Variants in JAZF1 observed in about 807,000 individuals in gnomAD.
The protein encoded by JAZF1 is JAZF zinc finger 1, also known as juxtaposed with another zinc finger protein 1.
Under a neutral mutation model 26.4 loss-of-function variants are expected in JAZF1, and 8 were observed. The observed-to-expected ratio is 0.30, with a 90% CI of 0.18 to 0.55. The LOEUF (loss-of-function observed/expected upper bound fraction) is 0.55, where lower values mean the gene tolerates loss of function less well. Ranked by LOEUF, JAZF1 falls within the 20% of genes least tolerant of loss-of-function variation. The probability of loss-of-function intolerance (pLI) is 0.94; values close to 1 mark genes in which losing one functional copy is unlikely to be tolerated. For missense variants in JAZF1, 199 were observed against 322.0 expected (o/e 0.62, Z 2.92); for synonymous variants, 126 against 122.3 (o/e 1.03, Z -0.20).
In JAZF1 at chr7:28,110,113, C is replaced by T. The variant is rs376026155; in HGVS notation, c.115+70350G>A. 9.9e-5 allele frequency among the ~76,000 whole-genome samples: 15 copies of T among 152,046 alleles called. No individual in the cohort carries two copies. In the East Asian group the frequency reaches 1.2e-3, roughly 12 times the overall value. On this transcript the variant is annotated intron_variant, in intron 1 of 4. Transcript: ENST00000283928. ...AAAGACTGGTCAAGAGGAAAAGAAT[C>T]AACTGAAAAGAATTATAATTAGAAA...
chr7:27,935,298 A>G (rs1410057590), intron 2 of JAZF1, among the ~76,000 whole-genome samples: 1 of 152,242 alleles, frequency 6.6e-6, no homozygotes, highest in Non-Finnish European at 1.5e-5. Flanking sequence ...GGATCCTCAA[A>G]ATGCAACTGT....
At chr7:28,141,108 A>G (rs1782953658) in intron 1 of JAZF1, among the ~76,000 whole-genome samples, 1 of 152,210 alleles carries the variant, frequency 6.6e-6, no homozygotes, top group African/African-American at 2.4e-5. Flanking sequence ...AATTTCACAG[A>G]CTCAAAAGAT....
intron 1 of JAZF1, among the ~76,000 whole-genome samples, chr7:28,156,741 G>A (rs1783191407): frequency 6.6e-6 from 1 of 152,164 alleles, no homozygotes; most frequent in Non-Finnish European, 1.5e-5. Flanking sequence ...AAATACTGCT[G>A]CTGCTTGTCC....
chr7:27,912,167 G>A (rs1223298938), intron 2 of JAZF1, among the ~76,000 whole-genome samples: 1 of 152,062 alleles, frequency 6.6e-6, no homozygotes, highest in African/African-American at 2.4e-5. Context: ...CTAAATAATG[G>A]GATCCCAACA....
chr7:27,981,200 T>A (rs944567329), intron 2 of JAZF1, among the ~76,000 whole-genome samples: 2 of 152,220 alleles, frequency 1.3e-5, no homozygotes, highest in African/African-American at 4.8e-5. Context: ...GGTTTGTAAT[T>A]ATAATGAGGT....
chr7:28,128,289 C>T (rs1782731714), intron 1 of JAZF1, among the ~76,000 whole-genome samples: 1 of 151,992 alleles, frequency 6.6e-6, no homozygotes, highest in Non-Finnish European at 1.5e-5. Flanking sequence ...TATGGAAGGC[C>T]GAGGCAGGTG....
chr7:28,180,357 C>A, intron 1 of JAZF1, 106 bp downstream of exon 1: 1 of 784,122 alleles, frequency 1.3e-6, no homozygotes, highest in Non-Finnish European at 2.0e-6. Flanking sequence ...CCCTCCCCGC[C>A]CTGCCGCCTC....
intron 1 of JAZF1, among the ~76,000 whole-genome samples, chr7:28,097,566 A>G (rs575367470): frequency 2.0e-5 from 3 of 152,240 alleles, no homozygotes; most frequent in Non-Finnish European, 2.9e-5. Flanking sequence ...CATTAACTTA[A>G]GTGAATGGAC....
chr7:27,861,245 A>T (rs536995463), intron 3 of JAZF1, among the ~76,000 whole-genome samples: 103 of 151,850 alleles, frequency 6.8e-4, no homozygotes, highest in African/African-American at 2.2e-3. Context: ...TCCTTTTACT[A>T]CTGTGCGGGG....
intron 1 of JAZF1, among the ~76,000 whole-genome samples, chr7:28,019,547 C>A (rs1782967638): frequency 6.6e-6 from 1 of 152,070 alleles, no homozygotes; most frequent in Non-Finnish European, 1.5e-5. Flanking sequence ...GCTTTGCTGC[C>A]CCTCCAACCA....
chr7:28,126,088 A>G (rs1358436840), intron 1 of JAZF1, among the ~76,000 whole-genome samples: 1 of 152,184 alleles, frequency 6.6e-6, no homozygotes, highest in Non-Finnish European at 1.5e-5. Context: ...AGCATATTCC[A>G]GTAAATGGAG....
At chr7:27,952,454 G>A (rs914494488) in intron 2 of JAZF1, among the ~76,000 whole-genome samples, 1 of 152,246 alleles carries the variant, frequency 6.6e-6, no homozygotes. Flanking sequence ...CTTTGCCCAT[G>A]CAGACACAAC....
chr7:28,056,531 A>G (rs1163314964), intron 1 of JAZF1, among the ~76,000 whole-genome samples: 1 of 152,106 alleles, frequency 6.6e-6, no homozygotes, highest in East Asian at 1.9e-4. Flanking sequence ...TGTGAGCATG[A>G]AATTTCACAG....
chr7:27,891,103 T>G (rs1219677064), intron 3 of JAZF1, among the ~76,000 whole-genome samples: 1 of 152,222 alleles, frequency 6.6e-6, no homozygotes, highest in African/African-American at 2.4e-5. Context: ...GTTACTACTT[T>G]TAAAAGGAGA....
At chr7:28,163,501 C>G (rs1016775941) in intron 1 of JAZF1, among the ~76,000 whole-genome samples, 3 of 152,180 alleles carry the variant, frequency 2.0e-5, no homozygotes, top group African/African-American at 4.8e-5. Context: ...TCAGCCTGGC[C>G]AAGCAGCTCA....
At chr7:28,007,365 T>A (rs1047615113) in intron 1 of JAZF1, among the ~76,000 whole-genome samples, 2 of 152,024 alleles carry the variant, frequency 1.3e-5, no homozygotes, top group Non-Finnish European at 2.9e-5. Flanking sequence ...GGTAGGGAGT[T>A]CGAGATCAAT....
At chr7:27,963,929 T>C (rs1583483218) in intron 2 of JAZF1, among the ~76,000 whole-genome samples, 1 of 152,182 alleles carries the variant, frequency 6.6e-6, no homozygotes, top group South Asian at 2.1e-4. Context: ...TAAGCAGCAC[T>C]TTCTTTTAAC....
chr7:27,940,594 G>A (rs1784831818), intron 2 of JAZF1, among the ~76,000 whole-genome samples: 1 of 152,222 alleles, frequency 6.6e-6, no homozygotes, highest in African/African-American at 2.4e-5. Context: ...TCTGATGACA[G>A]CACTGAGATG....
chr7:28,008,432 G>T (rs1436122342), intron 1 of JAZF1, among the ~76,000 whole-genome samples: 1 of 152,064 alleles, frequency 6.6e-6, no homozygotes, highest in Non-Finnish European at 1.5e-5. Flanking sequence ...TGGGATTATA[G>T]GTGTGAGCCA....
Sources: gnomAD v4.1 joint callset for allele counts (sites outside exome capture counted in the v4.1 genomes callset) on GRCh38, gnomAD v4.1.1 for gene constraint, MANE v1.5 for transcripts, NCBI Gene and HGNC (gene_info 2026-07-23, HGNC 2026-07-21) for gene names.